Variants in GARIN5B observed in about 807,000 individuals in gnomAD.
GARIN5B encodes the protein Golgi-associated RAB2 interactor protein 5B.
the GARIN5B span, among the ~76,000 whole-genome samples, chr19:55,360,379 C>G: frequency 8.6e-3 from 1,237 of 143,770 alleles, no homozygotes; most frequent in Middle Eastern, 0.016. Context: ...GAGTCCAGGC[C>G]CCAGTCTCTC....
the GARIN5B span, chr19:55,359,598 C>T: frequency 6.4e-7 from 1 of 1,551,122 alleles, no homozygotes; most frequent in Non-Finnish European, 8.7e-7. Context: ...GCAGGTACAG[C>T]TGGGAGCTTC....
the GARIN5B span, chr19:55,362,408 G>A: frequency 5.9e-5 from 92 of 1,550,530 alleles, no homozygotes; most frequent in Non-Finnish European, 7.6e-5. Context: ...GGCGTCCAGG[G>A]CCAGGTAGTA....
chr19:55,362,126 CT>C, the GARIN5B span: 1 of 1,336,254 alleles, frequency 7.5e-7, no homozygotes, highest in Non-Finnish European at 9.9e-7. Flanking sequence ...CCTCCTCCCT[CT>C]ACTCAGGGGT....
the GARIN5B span, chr19:55,358,688 G>A: frequency 1.4e-5 from 22 of 1,551,240 alleles, no homozygotes; most frequent in East Asian, 9.8e-5. Context: ...CGACGCCTGC[G>A]GAGTCGCCAA....
At chr19:55,356,077 A>C in the GARIN5B span, among the ~76,000 whole-genome samples, 1 of 151,940 alleles carries the variant, frequency 6.6e-6, no homozygotes, top group Non-Finnish European at 1.5e-5. Context: ...ATGAGCCACG[A>C]TCACACCGCT....
the GARIN5B span, chr19:55,362,735 GGGGCAGCCA>G: frequency 6.5e-7 from 1 of 1,527,112 alleles, no homozygotes; most frequent in East Asian, 2.5e-5. Context: ...TGGGTCACCT[GGGGCAGCCA>G]GGGAGAGGGG....
chr19:55,358,989 G>A, the GARIN5B span: 1 of 1,551,200 alleles, frequency 6.4e-7, no homozygotes, highest in South Asian at 1.2e-5. Context: ...TCCTTGGTTT[G>A]GCTAATCAGG....
chr19:55,359,879 C>T, the GARIN5B span: 2 of 1,551,504 alleles, frequency 1.3e-6, no homozygotes, highest in Non-Finnish European at 1.7e-6. Flanking sequence ...GCTGCAGGAG[C>T]CCAGAAAGAA....
chr19:55,355,478 C>T, the GARIN5B span: 10 of 828,004 alleles, frequency 1.2e-5, no homozygotes, highest in African/African-American at 1.7e-4. Context: ...GTGTGTTTGG[C>T]TCACTGTTGT....
At chr19:55,358,026 C>A in the GARIN5B span, 1 of 1,186,136 alleles carries the variant, frequency 8.4e-7, no homozygotes, top group Non-Finnish European at 1.1e-6. Context: ...CGCACTCCAG[C>A]CTGGGTGACA....
chr19:55,355,482 C>G, the GARIN5B span: 1 of 757,666 alleles, frequency 1.3e-6, no homozygotes, highest in Non-Finnish European at 2.2e-6. Context: ...GTTTGGCTCA[C>G]TGTTGTATCT....
At chr19:55,358,202 G>A in the GARIN5B span, 13 of 1,544,178 alleles carry the variant, frequency 8.4e-6, no homozygotes, top group East Asian at 2.5e-5. Flanking sequence ...CTTGGTGGCC[G>A]TGTTCCTCAC....
At chr19:55,360,938 A>T in the GARIN5B span, 4 of 1,543,708 alleles carry the variant, frequency 2.6e-6, no homozygotes, top group Non-Finnish European at 3.5e-6. Context: ...CTTTGGTGGC[A>T]TCTGGGCTGG....
the GARIN5B span, among the ~76,000 whole-genome samples, chr19:55,357,052 G>A: frequency 2.0e-5 from 3 of 152,070 alleles, no homozygotes; most frequent in African/African-American, 7.2e-5. Flanking sequence ...GCAAGACTCC[G>A]TCAGAAAAGA....
the GARIN5B span, chr19:55,362,393 T>C: frequency 6.4e-7 from 1 of 1,550,414 alleles, no homozygotes; most frequent in Admixed American, 2.0e-5. Context: ...CACCTCGTTG[T>C]CAGGGGCGTC....
At chr19:55,362,349 T>C in the GARIN5B span, 3 of 1,550,424 alleles carry the variant, frequency 1.9e-6, no homozygotes, top group Non-Finnish European at 2.6e-6. Context: ...TGAAGCAGGT[T>C]GATGAGGCGG....
At chr19:55,356,744 C>G in the GARIN5B span, among the ~76,000 whole-genome samples, 4 of 152,096 alleles carry the variant, frequency 2.6e-5, no homozygotes, top group Non-Finnish European at 4.4e-5. Context: ...GCATTTGTAT[C>G]ACCCACAAAG....
chr19:55,361,347 T>C, the GARIN5B span: 1 of 1,541,866 alleles, frequency 6.5e-7, no homozygotes, highest in Non-Finnish European at 8.8e-7. Context: ...AGCCAAAGGG[T>C]GCAGCTCTGT....
chr19:55,354,923 A>C, the GARIN5B span: 1 of 225,866 alleles, frequency 4.4e-6, no homozygotes, highest in Non-Finnish European at 8.8e-6. Flanking sequence ...CTCAGGCTCA[A>C]GCTTTAATCT....
Sources: gnomAD v4.1 joint callset for allele counts (sites outside exome capture counted in the v4.1 genomes callset) on GRCh38, gnomAD v4.1.1 for gene constraint, MANE v1.5 for transcripts, NCBI Gene and HGNC (gene_info 2026-07-23, HGNC 2026-07-21) for gene names.